Variants in PRKG1 observed in about 807,000 individuals in gnomAD.
PRKG1 encodes protein kinase cGMP-dependent 1.
PRKG1 carries 35 observed loss-of-function variants against 88.1 expected under a neutral mutation model. The ratio of observed to expected loss-of-function variants is 0.40; its 90% confidence interval spans 0.30 to 0.53. The LOEUF is 0.53. Ranked by LOEUF, PRKG1 falls within the 20% of genes least tolerant of loss-of-function variation. The pLI, the probability that PRKG1 is intolerant of heterozygous loss-of-function variation, is 0.59. For synonymous variants in PRKG1, 303 were observed against 292.5 expected, an observed-to-expected ratio of 1.04 and a Z score of -0.37; for missense variants, 540 against 839.8, an observed-to-expected ratio of 0.64 and a Z score of 4.41.
chr10:51,022,160 T>A (rs1675297874), intron 1 of PRKG1, among the ~76,000 whole-genome samples: 1 of 152,226 alleles, frequency 6.6e-6, no homozygotes, highest in Non-Finnish European at 1.5e-5. Flanking sequence ...CCTAGGATCA[T>A]GACCCATCAC....
At chr10:51,968,780 G>A (rs190453530) in intron 5 of PRKG1, among the ~76,000 whole-genome samples, 64 of 145,094 alleles carry the variant, frequency 4.4e-4, no homozygotes, top group Non-Finnish European at 1.6e-4. Context: ...CCAAGATCAT[G>A]CCACTGCACT....
intron 3 of PRKG1, among the ~76,000 whole-genome samples, chr10:51,494,962 T>A (rs1840809791): frequency 6.6e-6 from 1 of 152,176 alleles, no homozygotes; most frequent in African/African-American, 2.4e-5. Flanking sequence ...ACTTTGTAAA[T>A]GTATTGCCCA....
intron 5 of PRKG1, among the ~76,000 whole-genome samples, chr10:52,024,240 A>G (rs1845266777): frequency 6.6e-6 from 1 of 152,142 alleles, no homozygotes; most frequent in African/African-American, 2.4e-5. Flanking sequence ...AGTGCCATCA[A>G]GCTACCATTA....
intron 2 of PRKG1, among the ~76,000 whole-genome samples, chr10:51,385,665 G>T (rs1436657689): frequency 6.6e-6 from 1 of 152,124 alleles, no homozygotes; most frequent in East Asian, 1.9e-4. Flanking sequence ...CATGGGATTG[G>T]CCCCAAACAA....
intron 2 of PRKG1, among the ~76,000 whole-genome samples, chr10:51,426,882 T>C (rs758435576): frequency 2.6e-5 from 4 of 152,160 alleles, no homozygotes; most frequent in Non-Finnish European, 5.9e-5. Context: ...GGCAAGCAGG[T>C]GGTCTGCCAT....
chr10:51,325,867 A>G (rs142379574), intron 2 of PRKG1, among the ~76,000 whole-genome samples: 412 of 152,092 alleles, frequency 2.7e-3, no homozygotes, highest in Non-Finnish European at 4.9e-3. Flanking sequence ...CAACCATTCT[A>G]CTGCATTCCA....
intron 1 of PRKG1, among the ~76,000 whole-genome samples, chr10:51,078,514 G>C (rs1589136363): frequency 6.6e-6 from 1 of 150,928 alleles, no homozygotes. Context: ...ACAGATGTGA[G>C]CCACCACACC....
At chr10:51,013,790 A>T (rs1454080720) in intron 1 of PRKG1, among the ~76,000 whole-genome samples, 1 of 152,260 alleles carries the variant, frequency 6.6e-6, no homozygotes, top group Admixed American at 6.5e-5. Flanking sequence ...CAGCAAAACA[A>T]GTTAAGTTAT....
In PRKG1 at chr10:51,081,256, G is replaced by A. The variant is rs183100587; in HGVS notation, c.311+6355G>A. Among the ~76,000 whole-genome samples, 181 of 152,254 alleles carry A rather than the reference G, an allele frequency of 1.2e-3. 2 individuals carry two copies. In the Middle Eastern group the frequency reaches 0.014, roughly 11 times the overall value. ...TGAGAAGAAGAAATGCATATCGAGG[G>A]AACAAGAAAGGGCGAAACGAGATGG... On this transcript the variant is annotated intron_variant, in intron 1 of 17. Coordinates refer to ENST00000373980, the MANE Select transcript of PRKG1 (RefSeq NM_006258.4).
At chr10:51,667,991 A>G (rs183120477) in intron 3 of PRKG1, among the ~76,000 whole-genome samples, 28 of 152,034 alleles carry the variant, frequency 1.8e-4, no homozygotes, top group African/African-American at 5.6e-4. Flanking sequence ...GCCTAAAGCC[A>G]TTGAATGCCT....
chr10:51,820,397 T>G (rs1181535671), intron 4 of PRKG1, among the ~76,000 whole-genome samples: 1 of 152,164 alleles, frequency 6.6e-6, no homozygotes, highest in East Asian at 1.9e-4. Context: ...GGTGTAATAA[T>G]AAAAAAGCAT....
intron 1 of PRKG1, among the ~76,000 whole-genome samples, chr10:51,036,459 TG>T (rs1318939039): frequency 1.3e-5 from 2 of 151,600 alleles, no homozygotes; most frequent in African/African-American, 4.9e-5. Context: ...TTGGGGTGAC[TG>T]GGGGGTGCAG....
At chr10:51,464,715 C>A (rs547426486) in intron 2 of PRKG1, among the ~76,000 whole-genome samples, 9 of 151,226 alleles carry the variant, frequency 6.0e-5, no homozygotes, top group Non-Finnish European at 8.9e-5. Flanking sequence ...AACGGTGAAA[C>A]CCCGTCTCTA....
At chr10:51,235,033 A>G (rs1838946905) in intron 2 of PRKG1, among the ~76,000 whole-genome samples, 1 of 152,158 alleles carries the variant, frequency 6.6e-6, no homozygotes, top group African/African-American at 2.4e-5. Flanking sequence ...GGTCATGGAC[A>G]TTCAAGCCAG....
At chr10:52,051,944 G>T (rs78066648) in intron 5 of PRKG1, among the ~76,000 whole-genome samples, 1 of 149,982 alleles carries the variant, frequency 6.7e-6, no homozygotes, top group Non-Finnish European at 1.5e-5. Context: ...CTTCATTCAC[G>T]TGGAAGGAAG....
chr10:51,454,850 G>C (rs995850671), intron 2 of PRKG1, among the ~76,000 whole-genome samples: 1 of 152,154 alleles, frequency 6.6e-6, no homozygotes, highest in Non-Finnish European at 1.5e-5. Context: ...TGAGATTTGG[G>C]TGGGGAAGAA....
intron 2 of PRKG1, among the ~76,000 whole-genome samples, chr10:51,409,120 C>T (rs967439563): frequency 3.3e-5 from 5 of 152,190 alleles, no homozygotes; most frequent in African/African-American, 1.2e-4. Context: ...GGGAAGATTT[C>T]CCTTCACCGC....
At chr10:51,067,945 TC>T (rs1342347184) in intron 1 of PRKG1, among the ~76,000 whole-genome samples, 1 of 152,030 alleles carries the variant, frequency 6.6e-6, no homozygotes, top group Non-Finnish European at 1.5e-5. Context: ...TTTTTAAAAA[TC>T]CAGTCTAGAC....
At chr10:51,849,449 G>A (rs1005686527) in intron 4 of PRKG1, among the ~76,000 whole-genome samples, 29 of 151,838 alleles carry the variant, frequency 1.9e-4, no homozygotes, top group African/African-American at 7.0e-4. Context: ...ATCTTGATTC[G>A]CTGCAAAGTT....
Sources: allele counts gnomAD v4.1 joint callset (sites outside exome capture counted in the v4.1 genomes callset), GRCh38; gene constraint gnomAD v4.1.1; transcripts MANE v1.5; gene names NCBI Gene and HGNC (gene_info 2026-07-23, HGNC 2026-07-21).